The following EIPR1 variants were observed in gnomAD, a reference collection of about 807,000 sequenced individuals.
EIPR1 encodes EARP and GARP complex-interacting protein 1.
In EIPR1, 25 loss-of-function variants were observed where a neutral mutation model predicts 48.1. That is an observed-to-expected ratio of 0.52 (90% CI 0.38 to 0.73). The LOEUF is 0.73. Ranked by LOEUF, EIPR1 falls within the 30% of genes least tolerant of loss-of-function variation. The probability of loss-of-function intolerance (pLI) is 0.00; values close to 1 mark genes in which losing one functional copy is unlikely to be tolerated. For synonymous variants in EIPR1, 204 were observed against 201.9 expected (o/e 1.01, Z -0.09); for missense variants, 415 against 506.2 (o/e 0.82, Z 1.73).
intron 3 of EIPR1, among the ~76,000 whole-genome samples, chr2:3,307,163 T>C (rs1167890865): frequency 6.6e-6 from 1 of 152,208 alleles, no homozygotes; most frequent in South Asian, 2.1e-4. Context: ...GGTTCTACCA[T>C]GTTGGACAGG....
intron 3 of EIPR1, among the ~76,000 whole-genome samples, chr2:3,331,204 G>A (rs1352562353): frequency 9.3e-6 from 1 of 107,812 alleles, no homozygotes; most frequent in African/African-American, 4.6e-5. Flanking sequence ...GTGAGCAGAG[G>A]CAGGTGTGTA....
rs550779535 is a variant in EIPR1 at position 3,350,909 on chromosome 2, C to T, written c.126+3641G>A. 3.1e-3 allele frequency among the ~76,000 whole-genome samples: 391 copies of T among 125,628 alleles called. 2 individuals carry two copies. The highest frequency in any genetic ancestry group is 4.3e-3 in the Admixed American group (49 of 11,312). The allele number at this position is 125,628 out of a possible 152,430, so 82.4% of individuals were successfully genotyped here. A position where few individuals can be genotyped will look rare whatever the true frequency, so the allele number is the denominator to read the frequency against. ...GAAAGGAGACAGAAAAACTGGAAAGCTTCTTTAAAATAATTAATTGAATGT... is the reference window on the plus strand; with the variant it reads ...GAAAGGAGACAGAAAAACTGGAAAGTTTCTTTAAAATAATTAATTGAATGT... On this transcript the variant is annotated intron_variant, in intron 2 of 8. Transcript: ENST00000382125.
intron 4 of EIPR1, among the ~76,000 whole-genome samples, chr2:3,224,535 T>A (rs1359724859): frequency 6.6e-6 from 1 of 152,206 alleles, no homozygotes; most frequent in Non-Finnish European, 1.5e-5. Flanking sequence ...CTCCAGGCTC[T>A]GCTGCAGGGC....
chr2:3,246,907 GA>G (rs1666830696), intron 4 of EIPR1, among the ~76,000 whole-genome samples: 1 of 88,996 alleles, frequency 1.1e-5, no homozygotes, highest in African/African-American at 4.6e-5. Context: ...GAAGGAGGGA[GA>G]GAGGGAGGGA....
chr2:3,225,220 ATATG>A (rs1372222465), intron 4 of EIPR1, among the ~76,000 whole-genome samples: 13 of 90,376 alleles, frequency 1.4e-4, no homozygotes, highest in East Asian at 6.4e-4. Flanking sequence ...GTACACTGTG[ATATG>A]TGTGTGTGTG....
chr2:3,334,362 G>A (rs1218814291), intron 3 of EIPR1, among the ~76,000 whole-genome samples: 1 of 152,254 alleles, frequency 6.6e-6, no homozygotes, highest in Non-Finnish European at 1.5e-5. Flanking sequence ...TGGCAATGTG[G>A]AAGCCTAGTG....
chr2:3,354,692 G>A (rs947200377), intron 1 of EIPR1, 59 bp from the exon 2 acceptor site: 10 of 1,056 alleles, frequency 9.5e-3, no homozygotes, highest in Non-Finnish European at 0.013. Flanking sequence ...TAGAGATTAT[G>A]AAGTTAGATT....
At chr2:3,238,888 C>T (rs1320708151) in intron 4 of EIPR1, among the ~76,000 whole-genome samples, 2 of 152,228 alleles carry the variant, frequency 1.3e-5, no homozygotes, top group Admixed American at 6.5e-5. Flanking sequence ...CCGTCCACTA[C>T]CTAGCCTTGG....
intron 3 of EIPR1, among the ~76,000 whole-genome samples, chr2:3,274,098 G>GA (rs1667776967): frequency 6.6e-6 from 1 of 152,196 alleles, no homozygotes; most frequent in African/African-American, 2.4e-5. Context: ...AAGATGTGAA[G>GA]AAAGAACCTA....
chr2:3,318,718 C>A (rs1425613266), intron 3 of EIPR1: 2 of 390,872 alleles, frequency 5.1e-6, no homozygotes, highest in Non-Finnish European at 1.1e-5. Flanking sequence ...AGCTCTGTCC[C>A]GGCAATCAGA....
intron 4 of EIPR1, among the ~76,000 whole-genome samples, chr2:3,246,420 CT>C (rs1666795626): frequency 6.6e-6 from 1 of 152,204 alleles, no homozygotes; most frequent in Admixed American, 6.5e-5. Flanking sequence ...TTCCTTCCCC[CT>C]GCCTCAATAC....
At chr2:3,209,161 G>C (rs1665350018) in intron 5 of EIPR1, among the ~76,000 whole-genome samples, 1 of 152,220 alleles carries the variant, frequency 6.6e-6, no homozygotes, top group Non-Finnish European at 1.5e-5. Context: ...AAGTTGGAGA[G>C]AGAGGGCAGG....
chr2:3,192,630 C>T, intron 7 of EIPR1, 49 bp from the exon 8 acceptor site: 1 of 1,591,098 alleles, frequency 6.3e-7, no homozygotes, highest in Non-Finnish European at 8.6e-7. Context: ...CCGCAGGCAA[C>T]ACCAACAATG....
intron 3 of EIPR1, chr2:3,301,323 C>T (rs2103293861): frequency 6.6e-6 from 1 of 152,102 alleles, no homozygotes; most frequent in East Asian, 1.9e-4. Context: ...GAGGCAGGTC[C>T]CGGGGACTCC....
chr2:3,360,713 T>C (rs1444517366), intron 1 of EIPR1, among the ~76,000 whole-genome samples: 2 of 152,324 alleles, frequency 1.3e-5, no homozygotes, highest in Non-Finnish European at 2.9e-5. Flanking sequence ...CCGTGTCCAT[T>C]AAAGCTTTGC....
At chr2:3,310,209 T>C (rs1161284190) in intron 3 of EIPR1, among the ~76,000 whole-genome samples, 2 of 152,222 alleles carry the variant, frequency 1.3e-5, no homozygotes, top group Non-Finnish European at 1.5e-5. Context: ...TCACCCAAGA[T>C]TGACTACAGC....
rs889084607 is a variant in EIPR1 at position 3,313,000 on chromosome 2, C to T, written c.259+25017G>A. Among the ~76,000 whole-genome samples, 3 of 152,186 alleles carry T rather than the reference C, an allele frequency of 2.0e-5. No homozygotes were observed. The highest frequency in any genetic ancestry group is 2.9e-5 in the Non-Finnish European group (2 of 68,040). ...GTGTTTTATCTGACAACCCTACTTC[C>T]GATGCACACTTCGCACCTCAGCTTC... On this transcript the variant is annotated intron_variant, in intron 3 of 8. Transcript: ENST00000382125. This position sits in a 1 kb window ranked among gnomAD's most constrained non-coding sequence, Gnocchi z 5.5.
intron 4 of EIPR1, among the ~76,000 whole-genome samples, chr2:3,248,947 G>T (rs1666923697): frequency 6.6e-6 from 1 of 152,130 alleles, no homozygotes; most frequent in Non-Finnish European, 1.5e-5. Flanking sequence ...ACAGCCTGTG[G>T]AACTGTGAGC....
chr2:3,199,926 G>C (rs1455614229), intron 5 of EIPR1, among the ~76,000 whole-genome samples: 2 of 121,434 alleles, frequency 1.6e-5, no homozygotes, highest in South Asian at 5.9e-4. Flanking sequence ...CACACATGGG[G>C]GGGTGTCCAC....
Sources: allele counts gnomAD v4.1 joint callset (sites outside exome capture counted in the v4.1 genomes callset), GRCh38; gene constraint gnomAD v4.1.1; non-coding constraint Gnocchi (gnomAD v3.1); transcripts MANE v1.5; gene names NCBI Gene and HGNC (gene_info 2026-07-23, HGNC 2026-07-21).